BMPR2: variants seen among roughly 807,000 people sequenced by gnomAD.
BMPR2 encodes bone morphogenetic protein receptor type-2.
Under a neutral mutation model 100.8 loss-of-function variants are expected in BMPR2, and 29 were observed. The observed-to-expected ratio is 0.29, with a 90% CI of 0.21 to 0.39. The LOEUF (loss-of-function observed/expected upper bound fraction) is 0.39. BMPR2 is among the 10% of genes least tolerant of loss of function. BMPR2 has a pLI of 1.00. For synonymous variants in BMPR2, 382 were observed against 442.3 expected, an observed-to-expected ratio of 0.86 and a Z score of 1.71; for missense variants, 1,011 against 1,274.5, an observed-to-expected ratio of 0.79 and a Z score of 3.15.
intron 10 of BMPR2, among the ~76,000 whole-genome samples, chr2:202,551,862 ATTT>A (rs35621004): frequency 9.2e-5 from 12 of 130,370 alleles, no homozygotes; most frequent in African/African-American, 1.1e-4. Context: ...ATGCTGGCTA[ATTT>A]TTTTTTTTTT....
intron 1 of BMPR2, among the ~76,000 whole-genome samples, chr2:202,413,339 C>T (rs1315363005): frequency 1.3e-5 from 2 of 152,164 alleles, no homozygotes; most frequent in Non-Finnish European, 2.9e-5. Flanking sequence ...AATCTTCAGT[C>T]AGTCATGAGT....
rs962339067 is a variant in BMPR2 at position 202,555,303 on chromosome 2, T to C, written c.1638T>C (p.Tyr546=). The C allele has an allele frequency of 6.2e-7, 1 of 1,614,118 alleles. No homozygotes were observed. The highest frequency in any genetic ancestry group is 8.5e-7 in the Non-Finnish European group (1 of 1,180,052). The change falls in exon 12 of 13, where the codon TAT becomes TAC. Residue 546 remains tyrosine (Y), a synonymous_variant. Transcript: ENST00000374580. ...RVPKIGPYPD[Y]SSSSYIEDSI... ...CAAAAATTGGTCCTTATCCAGATTA[T>C]TCTTCCTCCTCATACATTGAAGACT...
At chr2:202,504,399 C>T (rs536483435) in intron 3 of BMPR2, among the ~76,000 whole-genome samples, 115 of 151,904 alleles carry the variant, frequency 7.6e-4, no homozygotes, top group Middle Eastern at 3.4e-3. Context: ...CCAGACACGC[C>T]GCCTCAAGAG....
At chr2:202,505,720 GA>G (rs968165007) in intron 3 of BMPR2, among the ~76,000 whole-genome samples, 27 of 152,190 alleles carry the variant, frequency 1.8e-4, no homozygotes, top group Admixed American at 1.7e-3. Context: ...TAAGAGCCTA[GA>G]AAAATTATAT....
intron 7 of BMPR2, among the ~76,000 whole-genome samples, chr2:202,526,563 G>A (rs1008666225): frequency 2.0e-5 from 3 of 152,170 alleles, no homozygotes; most frequent in Admixed American, 2.0e-4. Context: ...TAGTGCTTTA[G>A]CACATTAACC....
At chr2:202,517,424 G>A (rs1687732891) in intron 5 of BMPR2, among the ~76,000 whole-genome samples, 1 of 150,188 alleles carries the variant, frequency 6.7e-6, no homozygotes. Flanking sequence ...GGTTTCAAGT[G>A]ATTCTCCAGC....
chr2:202,534,228 T>G (rs1688082618), intron 9 of BMPR2, among the ~76,000 whole-genome samples: 1 of 148,970 alleles, frequency 6.7e-6, no homozygotes, highest in African/African-American at 2.5e-5. Context: ...TGTGTATATA[T>G]ATATATAAAT....
chr2:202,490,864 C>G (rs1403690435), intron 3 of BMPR2, among the ~76,000 whole-genome samples: 1 of 152,178 alleles, frequency 6.6e-6, no homozygotes, highest in Non-Finnish European at 1.5e-5. Context: ...CTTCCTTACT[C>G]TCACTATATA....
At position 202,467,637 on chromosome 2, in the gene BMPR2, A is replaced by T; in HGVS notation, c.366A>T (p.Leu122Phe). The change falls in exon 3 of 13, where the codon TTA becomes TTT. Residue 122 changes from leucine to phenylalanine, a missense_variant. Leu to Phe is a conservative substitution (Grantham distance 22). This residue lies in a region of BMPR2 where 355 missense variants were observed against 455.3 expected (regional missense o/e 0.78). Transcript: ENST00000374580. Reference protein sequence around the residue: ...TYRFCCCSTDLCNVNFTENFP... With the variant: ...TYRFCCCSTDFCNVNFTENFP... The stretch of plus-strand genomic sequence containing the variant: ...GTTTCTGCTGTTGTAGCACAGATTT[A>T]TGTAATGTCAACTTTACTGAGAATT... 6.2e-7 allele frequency: 1 copy of T among 1,612,268 alleles called. No individual in the cohort carries two copies. The highest frequency in any genetic ancestry group is 8.5e-7 in the Non-Finnish European group (1 of 1,178,282).
intron 9 of BMPR2, among the ~76,000 whole-genome samples, chr2:202,537,159 A>G (rs1411384088): frequency 1.3e-5 from 2 of 152,040 alleles, no homozygotes; most frequent in East Asian, 3.9e-4. Flanking sequence ...GCCTCCCAAA[A>G]TGCTGTGATT....
intron 3 of BMPR2, among the ~76,000 whole-genome samples, chr2:202,493,886 G>C (rs542667349): frequency 6.6e-6 from 1 of 151,774 alleles, no homozygotes; most frequent in South Asian, 2.1e-4. Flanking sequence ...TATTTTTTTT[G>C]TTGTTATTTT....
chr2:202,473,522 G>A (rs12477602), intron 3 of BMPR2, among the ~76,000 whole-genome samples: 18,101 of 152,138 alleles, frequency 0.12, 1,193 homozygotes, highest in Admixed American at 0.14. Flanking sequence ...CAGGCGCGGT[G>A]GCTTACGCCA....
chr2:202,386,091 C>G (rs1205756131), intron 1 of BMPR2, among the ~76,000 whole-genome samples: 1 of 152,120 alleles, frequency 6.6e-6, no homozygotes, highest in African/African-American at 2.4e-5. Flanking sequence ...CCTTATGTCC[C>G]TGATGGCTAA....
chr2:202,419,069 G>A (rs554955621), intron 1 of BMPR2, among the ~76,000 whole-genome samples: 7 of 152,274 alleles, frequency 4.6e-5, no homozygotes, highest in East Asian at 1.9e-4. Flanking sequence ...TTTGTAAGGC[G>A]TGACTCCCCA....
intron 3 of BMPR2, among the ~76,000 whole-genome samples, chr2:202,491,771 C>T (rs538252951): frequency 1.9e-4 from 29 of 152,226 alleles, no homozygotes; most frequent in African/African-American, 6.7e-4. Context: ...AAAAGAGAAA[C>T]AACTAGAGGA....
chr2:202,419,708 TCA>T (rs948696657), intron 1 of BMPR2, among the ~76,000 whole-genome samples: 1 of 152,190 alleles, frequency 6.6e-6, no homozygotes, highest in African/African-American at 2.4e-5. Context: ...GTGAAGTATT[TCA>T]GTTTCCATAA....
chr2:202,498,688 G>A (rs1182878540), intron 3 of BMPR2, among the ~76,000 whole-genome samples: 3 of 151,600 alleles, frequency 2.0e-5, no homozygotes, highest in African/African-American at 7.3e-5. Flanking sequence ...TAAGCCATTG[G>A]GACCAATTTG....
intron 11 of BMPR2, among the ~76,000 whole-genome samples, chr2:202,554,481 ACCCT>A (rs2105710403): frequency 6.6e-6 from 1 of 152,074 alleles, no homozygotes; most frequent in East Asian, 1.9e-4. Context: ...CCTGAGTCTT[ACCCT>A]CCATGTCTCC....
intron 10 of BMPR2, among the ~76,000 whole-genome samples, chr2:202,547,857 G>T (rs1688404326): frequency 6.6e-6 from 1 of 151,672 alleles, no homozygotes; most frequent in African/African-American, 2.4e-5. Flanking sequence ...GCCGAGGTGG[G>T]TGGATTGCTT....
Sources: gnomAD v4.1 joint callset for allele counts (sites outside exome capture counted in the v4.1 genomes callset) on GRCh38, gnomAD v4.1.1 for gene constraint, gnomAD v4.1.1 regional missense constraint, MANE v1.5 for transcripts, NCBI Gene and HGNC (gene_info 2026-07-23, HGNC 2026-07-21) for gene names.